ADAMTSL1: variants seen among roughly 807,000 people sequenced by gnomAD.
The protein encoded by ADAMTSL1 is ADAMTS-like protein 1.
ADAMTSL1 carries 126 observed loss-of-function variants against 201.8 expected under a neutral mutation model. That is an observed-to-expected ratio of 0.62 (90% CI 0.54 to 0.72). The LOEUF is 0.72. Among genes scored for constraint, ADAMTSL1 ranks in the 30% least tolerant of loss-of-function variants. The probability of loss-of-function intolerance (pLI) is 0.00; values close to 1 mark genes in which losing one functional copy is unlikely to be tolerated. For synonymous variants in ADAMTSL1, 1,121 were observed against 903.4 expected, an observed-to-expected ratio of 1.24 and a Z score of -4.32; for missense variants, 2,679 against 2,277.8, an observed-to-expected ratio of 1.18 and a Z score of -3.59.
Position 18,775,777 on chromosome 9 carries a change from G to A in ADAMTSL1, c.2432G>A (p.Arg811Gln), listed in dbSNP as rs1012141161. The A allele has an allele frequency of 1.2e-6, 2 of 1,612,898 alleles. No homozygotes were observed. Among genetic ancestry groups the A allele is most frequent in the South Asian group, 1.1e-5 (1 of 90,644 alleles). Residue 811 changes from arginine to glutamine, a missense_variant, in exon 18 of 29, where the codon CGA becomes CAA. Coordinates refer to ENST00000380548, the MANE Select transcript of ADAMTSL1 (RefSeq NM_001040272.6). ...AGCTGCGGGGAAGGCACCCAGACTC[G>A]AAGCGCCATTTGCCGAAAGATGCTG... Reference protein sequence around the residue: ...STSCGEGTQTRSAICRKMLKT... With the variant: ...STSCGEGTQTQSAICRKMLKT...
intron 4 of ADAMTSL1, among the ~76,000 whole-genome samples, chr9:18,575,316 C>G (rs1018083085): frequency 1.3e-5 from 2 of 152,066 alleles, no homozygotes; most frequent in South Asian, 2.1e-4. Flanking sequence ...AGTTTAAAAT[C>G]ATGAGGCAGA....
chr9:17,978,139 A>C (rs900906476), intron 1 of ADAMTSL1, among the ~76,000 whole-genome samples: 3 of 151,838 alleles, frequency 2.0e-5, no homozygotes, highest in Non-Finnish European at 4.4e-5. Flanking sequence ...TTTAGTTTTC[A>C]TTTGTATGGA....
intron 23 of ADAMTSL1, among the ~76,000 whole-genome samples, chr9:18,845,188 T>A (rs1288318631): frequency 2.0e-5 from 3 of 152,162 alleles, no homozygotes; most frequent in Non-Finnish European, 4.4e-5. Flanking sequence ...TTGGCTCAAG[T>A]GTCGGCAGCA....
At chr9:18,644,135 T>C (rs1827626177) in intron 7 of ADAMTSL1, among the ~76,000 whole-genome samples, 1 of 151,954 alleles carries the variant, frequency 6.6e-6, no homozygotes, top group African/African-American at 2.4e-5. Flanking sequence ...TGGTAGGTAT[T>C]ATACCTGGGA....
intron 13 of ADAMTSL1, among the ~76,000 whole-genome samples, chr9:18,697,672 T>C (rs1831639122): frequency 6.6e-6 from 1 of 152,222 alleles, no homozygotes; most frequent in Non-Finnish European, 1.5e-5. Context: ...TTATATATAT[T>C]TTCAAGGGAG....
At chr9:18,491,229 GT>G (rs1358439732) in intron 1 of ADAMTSL1, among the ~76,000 whole-genome samples, 1 of 152,182 alleles carries the variant, frequency 6.6e-6, no homozygotes, top group African/African-American at 2.4e-5. Flanking sequence ...AAAGATGCCT[GT>G]GGTGTGCCTC....
At chr9:18,377,811 G>T (rs55908572) in intron 2 of ADAMTSL1, among the ~76,000 whole-genome samples, 2 of 151,928 alleles carry the variant, frequency 1.3e-5, no homozygotes, top group African/African-American at 4.8e-5. Flanking sequence ...CAGGTGATCC[G>T]CCCACCTCAG....
chr9:18,396,687 G>A (rs1380723815), intron 2 of ADAMTSL1, among the ~76,000 whole-genome samples: 1 of 151,648 alleles, frequency 6.6e-6, no homozygotes, highest in African/African-American at 2.4e-5. Context: ...GGGATCCCTT[G>A]CACAAAACTA....
chr9:18,006,361 G>T (rs1819826569), intron 1 of ADAMTSL1, among the ~76,000 whole-genome samples: 1 of 151,948 alleles, frequency 6.6e-6, no homozygotes, highest in Non-Finnish European at 1.5e-5. Flanking sequence ...TAATGACTAT[G>T]TTAAACAGCT....
chr9:18,648,771 G>A (rs1030169716), intron 7 of ADAMTSL1, among the ~76,000 whole-genome samples: 12 of 151,946 alleles, frequency 7.9e-5, no homozygotes, highest in Non-Finnish European at 1.3e-4. Flanking sequence ...TTAGTCTGAT[G>A]GGCTTCCCTT....
At chr9:18,261,342 G>A (rs1333200264) in intron 2 of ADAMTSL1, among the ~76,000 whole-genome samples, 3 of 152,148 alleles carry the variant, frequency 2.0e-5, no homozygotes, top group Non-Finnish European at 2.9e-5. Flanking sequence ...ATCTGAGGCT[G>A]TGTAAAGATA....
intron 2 of ADAMTSL1, among the ~76,000 whole-genome samples, chr9:18,295,202 T>C (rs925686415): frequency 9.9e-5 from 15 of 152,160 alleles, no homozygotes; most frequent in African/African-American, 3.6e-4. Context: ...ATTGTGGCAA[T>C]GAGGGCCCAG....
intron 2 of ADAMTSL1, among the ~76,000 whole-genome samples, chr9:18,531,110 T>C (rs2132093485): frequency 6.6e-6 from 1 of 152,282 alleles, no homozygotes; most frequent in Non-Finnish European, 1.5e-5. Flanking sequence ...GTACTCACAA[T>C]AACTCAGCCC....
chr9:18,293,474 C>T (rs374627584), intron 2 of ADAMTSL1, among the ~76,000 whole-genome samples: 4 of 152,212 alleles, frequency 2.6e-5, no homozygotes, highest in Non-Finnish European at 5.9e-5. Flanking sequence ...CTTAAGAATA[C>T]TGTCTGGGCC....
intron 13 of ADAMTSL1, among the ~76,000 whole-genome samples, chr9:18,706,165 C>T (rs544696992): frequency 4.5e-4 from 69 of 152,100 alleles, no homozygotes; most frequent in Non-Finnish European, 8.5e-4. Context: ...ATGGAGAATT[C>T]CTGGAATTGA....
intron 8 of ADAMTSL1, 142 bp downstream of exon 8, chr9:18,657,892 G>A (rs548884115): frequency 4.7e-5 from 31 of 661,220 alleles, no homozygotes; most frequent in Non-Finnish European, 7.3e-5. Context: ...GTGGAATCTC[G>A]AGGCCCTCCT....
intron 1 of ADAMTSL1, among the ~76,000 whole-genome samples, chr9:17,965,850 G>T (rs1290968006): frequency 6.6e-6 from 1 of 152,070 alleles, no homozygotes; most frequent in Non-Finnish European, 1.5e-5. Context: ...CAGTCCTCTG[G>T]GCGATGGGAT....
At chr9:18,297,963 T>C (rs1344486802) in intron 2 of ADAMTSL1, among the ~76,000 whole-genome samples, 3 of 152,342 alleles carry the variant, frequency 2.0e-5, no homozygotes, top group Non-Finnish European at 2.9e-5. Context: ...CAGTCCCACG[T>C]CCTATTTCAC....
intron 2 of ADAMTSL1, among the ~76,000 whole-genome samples, chr9:18,305,420 C>T (rs1051026179): frequency 2.0e-5 from 3 of 152,292 alleles, no homozygotes; most frequent in Admixed American, 6.5e-5. Flanking sequence ...TCAGGGGATC[C>T]GACCCCCACA....
Sources: allele counts gnomAD v4.1 joint callset (sites outside exome capture counted in the v4.1 genomes callset), GRCh38; gene constraint gnomAD v4.1.1; transcripts MANE v1.5; gene names NCBI Gene and HGNC (gene_info 2026-07-23, HGNC 2026-07-21).